Variants in TOP2A observed in about 807,000 individuals in gnomAD.
The protein encoded by TOP2A is DNA topoisomerase II alpha, also known as DNA topoisomerase 2-alpha.
TOP2A carries 68 observed loss-of-function variants against 187.2 expected under a neutral mutation model. The ratio of observed to expected loss-of-function variants is 0.36; its 90% CI spans 0.30 to 0.44. The LOEUF (loss-of-function observed/expected upper bound fraction) is 0.44. Ranked by LOEUF, TOP2A falls within the 20% of genes least tolerant of loss-of-function variation. The pLI, the probability that TOP2A is intolerant of heterozygous loss-of-function variation, is 1.00. For missense variants in TOP2A, 1,196 were observed against 1,808.7 expected (o/e 0.66, Z 6.14); for synonymous variants, 542 against 593.2 (o/e 0.91, Z 1.25).
rs539471221 is a variant in TOP2A, at chr17:40,389,782, C to T, written c.4468-135G>A. Reference sequence around the variant, plus strand: ...AAGTAATAAGAAGCAGATCTAAGGCCAACTCTTCCATTGCCCAAATAAGTG... The same window carrying T: ...AAGTAATAAGAAGCAGATCTAAGGCTAACTCTTCCATTGCCCAAATAAGTG... On this transcript the variant is annotated intron_variant, in intron 34 of 34. Coordinates refer to ENST00000423485, the MANE Select transcript of TOP2A (RefSeq NM_001067.4). 3 of 1,288,016 alleles carry T rather than the reference C, an allele frequency of 2.3e-6. No individual in the cohort carries two copies. The Admixed American group carries it at 8.4e-5, about 36-fold the overall frequency. 79.8% of individuals were successfully genotyped at this position (1,288,016 alleles called of 1,614,324 possible).
intron 29 of TOP2A, among the ~76,000 whole-genome samples, chr17:40,394,864 G>A (rs1365645467): frequency 1.3e-5 from 2 of 152,134 alleles, no homozygotes; most frequent in East Asian, 1.9e-4. Flanking sequence ...CTAGAACCTC[G>A]TAAGTGGCTA....
In TOP2A at chr17:40,415,895, T is replaced by C. The variant is rs1330412828; in HGVS notation, c.332+110A>G. On this transcript the variant is annotated intron_variant, in intron 4 of 34. Transcript: ENST00000423485. ...TTTTCATTTTAGCATTCTGCTTTTG[T>C]GTACTTTTCTCAACTTCTGTTTAGG... The C allele has an allele frequency of 1.4e-5, 10 of 732,140 alleles. No individual in the cohort carries two copies. In the Admixed American group the frequency reaches 1.7e-4, roughly 12 times the overall value. 45.4% of individuals were successfully genotyped at this position (732,140 alleles called of 1,614,324 possible).
At chr17:40,399,204 G>A in intron 24 of TOP2A, 73 bp from the exon 25 acceptor site, 1 of 1,095,586 alleles carries the variant, frequency 9.1e-7, no homozygotes, top group Non-Finnish European at 1.3e-6. Context: ...TTTTACACAA[G>A]TCAAAAGTTT....
At position 40,391,521 on chromosome 17, in the gene TOP2A, T is replaced by C. The variant is rs775934055; in HGVS notation, c.4252A>G (p.Lys1418Glu). 1.9e-6 allele frequency: 3 copies of C among 1,611,762 alleles called. No individual in the cohort carries two copies. The highest frequency in any genetic ancestry group is 4.5e-5 in the East Asian group (2 of 44,848). Reference protein sequence around the residue: ...PVPKKNVTVKKTAAKSQSSTS... With the variant: ...PVPKKNVTVKETAAKSQSSTS... ...TTAGGCTTACTTTTTGCTGCTGTCT[T>C]CTTCACTGTCACATTCTTTTTAGGA... Residue 1418 changes from lysine to glutamate, a missense_variant, in exon 33 of 35, where the codon AAG (lysine) becomes GAG (glutamate). Coordinates refer to ENST00000423485, the MANE Select transcript of TOP2A (RefSeq NM_001067.4).
Position 40,400,630 on chromosome 17 carries a change from C to T in TOP2A, c.2698G>A (p.Glu900Lys). The change falls in exon 22 of 35, where the codon GAA (glutamate) becomes AAA (lysine). Residue 900 changes from glutamate to lysine, a missense_variant. Transcript: ENST00000423485. The stretch of plus-strand genomic sequence containing the variant: ...ACATATTGATTTGGAGCCAGTTCTT[C>T]AATAGTACCCTTGAAGTTCTTGTAA... ...PSYKNFKGTI[E>K]ELAPNQYVIS... 6.2e-7 allele frequency: 1 copy of T among 1,605,378 alleles called. No individual in the cohort carries two copies. The highest frequency in any genetic ancestry group is 8.5e-7 in the Non-Finnish European group (1 of 1,177,132).
intron 23 of TOP2A, 42 bp from the exon 24 acceptor site, chr17:40,400,109 T>C (rs774844274): frequency 4.4e-6 from 7 of 1,592,724 alleles, no homozygotes; most frequent in Non-Finnish European, 5.1e-6. Flanking sequence ...ATAGACAAAT[T>C]GGCTAAACTT....
In TOP2A at chr17:40,417,776, A is replaced by G. The variant is rs1365798489; in HGVS notation, c.16T>C (p.Leu6=). The change falls in exon 1 of 35, where the codon TTG becomes CTG. Residue 6 remains leucine (L), a synonymous_variant. Transcript: ENST00000423485. The part of the protein sequence containing the change: MEVSP[L]QPVNENMQVN... The stretch of plus-strand genomic sequence containing the variant: ...GTCCCCCCCGCGAGCCGTACCTGCA[A>G]TGGTGACACTTCCATGGTGACGGTC... The G allele has an allele frequency of 6.2e-7, 1 of 1,613,460 alleles. No homozygotes were observed. Among genetic ancestry groups the G allele is most frequent in the Non-Finnish European group, 8.5e-7 (1 of 1,179,842 alleles).
At position 40,401,070 on chromosome 17, in the gene TOP2A, C is replaced by T. The variant is rs1413389278; in HGVS notation, c.2444G>A (p.Arg815Gln). 4.3e-6 allele frequency: 7 copies of T among 1,612,292 alleles called. No homozygotes were observed. Among genetic ancestry groups the T allele is most frequent in the Middle Eastern group, 1.6e-4 (1 of 6,082 alleles). ...YIFTMLSSLA[R>Q]LLFPPKDDHT... ...ATCATCTTTTGGTGGAAATAACAAT[C>T]GAGCCAAAGAGCTAAAGAAAAGAAA... The change falls in exon 21 of 35, where the codon CGA (arginine) becomes CAA (glutamine). Residue 815 changes from arginine (R) to glutamine (Q), a missense_variant. By Grantham distance (43) the Arg-to-Gln change is conservative. Coordinates refer to ENST00000423485, the MANE Select transcript of TOP2A (RefSeq NM_001067.4).
intron 4 of TOP2A, among the ~76,000 whole-genome samples, chr17:40,415,367 T>C (rs2143693253): frequency 6.6e-6 from 1 of 152,240 alleles, no homozygotes; most frequent in Admixed American, 6.5e-5. Context: ...GCTCAACATT[T>C]TTTAAAGACT....
In TOP2A at chr17:40,415,555, T is replaced by C. The variant is rs112370049; in HGVS notation, c.332+450A>G. On this transcript the variant is annotated intron_variant, in intron 4 of 34. Transcript: ENST00000423485. ...CTGGTTTACTGTTTGAATAGCATCA[T>C]GAGAAAAAGTTAAAACTCCAGATGC... Among the ~76,000 whole-genome samples, 403 of 152,320 alleles carry C rather than the reference T, an allele frequency of 2.6e-3. 2 individuals are homozygous for C. Among genetic ancestry groups the C allele is most frequent in the African/African-American group, 9.3e-3 (386 of 41,570 alleles).
At chr17:40,417,552 C>T (rs1468811466) in intron 1 of TOP2A, 2 of 1,430,016 alleles carry the variant, frequency 1.4e-6, no homozygotes, top group South Asian at 1.5e-5. Context: ...AACAGGGCAA[C>T]AACGCACGAC....
At position 40,402,991 on chromosome 17, in the gene TOP2A, G is replaced by A. The variant is rs199558974; in HGVS notation, c.2347C>T (p.Leu783Phe). Residue 783 changes from leucine to phenylalanine, a missense_variant, in exon 20 of 35, where the codon CTC (leucine) becomes TTC (phenylalanine). Physicochemically the swap from Leu to Phe is conservative, Grantham distance 22 (BLOSUM62 0). Transcript: ENST00000423485. ...CCAAACTGACCAATGGGCTGCAAGA[G>A]GTTTAGATTATTGCTACCCACAAAA... ...QNFVGSNNLN[L>F]LQPIGQFGTR... is the part of the protein sequence containing the mutation. The A allele has an allele frequency of 3.6e-5, 57 of 1,604,888 alleles. No individual in the cohort carries two copies. The highest frequency in any genetic ancestry group is 4.4e-5 in the Non-Finnish European group (52 of 1,175,376).
chr17:40,396,169 C>T (rs1252169084), intron 28 of TOP2A, 114 bp downstream of exon 28: 9 of 571,356 alleles, frequency 1.6e-5, no homozygotes, highest in Non-Finnish European at 1.8e-5. Context: ...TTAGTAGAGA[C>T]AGGGTTTCAA....
intron 29 of TOP2A, among the ~76,000 whole-genome samples, chr17:40,394,061 G>A (rs2035059637): frequency 1.5e-5 from 1 of 68,266 alleles, no homozygotes; most frequent in Non-Finnish European, 2.8e-5. Flanking sequence ...GCGAAACTCT[G>A]CCTCAAAAAA....
rs2143665196 is a variant in TOP2A at position 40,406,657 on chromosome 17, G to A, written c.1770C>T (p.Tyr590=). 1.2e-6 allele frequency: 2 copies of A among 1,612,340 alleles called. No homozygotes were observed. The highest frequency in any genetic ancestry group is 2.2e-5 in the East Asian group (1 of 44,876). Residue 590 remains tyrosine (Y), a synonymous_variant, in exon 15 of 35, where the codon TAC becomes TAT. Transcript: ENST00000423485. ...TCCACTCTTCAAATTCAGGAAGGCT[G>A]TAAAATGCCATTTCTTGCTTGTTTT... is the stretch of plus-strand genomic sequence containing the variant. ...VSKNKQEMAF[Y]SLPEFEEWKS...
At chr17:40,406,113 T>C (rs1412152622) in intron 16 of TOP2A, among the ~76,000 whole-genome samples, 6 of 152,016 alleles carry the variant, frequency 3.9e-5, no homozygotes, top group Non-Finnish European at 1.5e-5. Context: ...GTTGGACAGG[T>C]TGGTCTCCAA....
At chr17:40,399,462 C>T (rs950123133) in intron 24 of TOP2A, among the ~76,000 whole-genome samples, 2 of 151,924 alleles carry the variant, frequency 1.3e-5, no homozygotes, top group African/African-American at 4.8e-5. Context: ...TACAGGCATG[C>T]GCCACCACAC....
Position 40,396,380 on chromosome 17 carries a change from GC to G in TOP2A, c.3622del (p.Ala1208LeufsTer16). Reference protein sequence around the residue: ...GKAKGKKTQMAEVLPSPRGQR... With the variant: ...GKAKGKKTQMXEVLPSPRGQR... Reference sequence around the variant, plus strand: ...ACCACGCGGAGAAGGCAAAACTTCAGCCATTTGTGTTTTTTTCCCCTTGGCC... The same window carrying G: ...ACCACGCGGAGAAGGCAAAACTTCAGCATTTGTGTTTTTTTCCCCTTGGCC... On this transcript the variant is annotated frameshift_variant, in exon 28 of 35. Coordinates refer to ENST00000423485, the MANE Select transcript of TOP2A (RefSeq NM_001067.4). LOFTEE classifies it high-confidence loss of function. The G allele has an allele frequency of 6.2e-7, 1 of 1,613,938 alleles. No homozygotes were observed. Among genetic ancestry groups the G allele is most frequent in the Non-Finnish European group, 8.5e-7 (1 of 1,179,892 alleles).
chr17:40,408,495 C>A lies in TOP2A; in HGVS notation c.1339G>T (p.Ala447Ser). The A allele has an allele frequency of 5.0e-6, 8 of 1,611,906 alleles. No individual in the cohort carries two copies. Among genetic ancestry groups the A allele is most frequent in the Non-Finnish European group, 6.8e-6 (8 of 1,179,224 alleles). ...GIPKLDDAND[A>S]GGRNSTECTL... Reference sequence around the variant, plus strand: ...GGAAACATTATTAAATATATACCTGCATCATTGGCATCATCGAGTTTGGGA... The same window carrying A: ...GGAAACATTATTAAATATATACCTGAATCATTGGCATCATCGAGTTTGGGA... Residue 447 changes from alanine (A) to serine (S), a missense_variant, in exon 11 of 35, where the codon GCA becomes TCA. Ala to Ser is a moderately conservative substitution (Grantham distance 99). Transcript: ENST00000423485.
Sources: gnomAD v4.1 joint callset for allele counts (sites outside exome capture counted in the v4.1 genomes callset) on GRCh38, gnomAD v4.1.1 for gene constraint, MANE v1.5 for transcripts, NCBI Gene and HGNC (gene_info 2026-07-23, HGNC 2026-07-21) for gene names.